Variants in GNG4 observed in about 807,000 individuals in gnomAD.
GNG4 encodes G protein subunit gamma 4, also known as guanine nucleotide-binding protein G(I)/G(S)/G(O) subunit gamma-4.
Under a neutral mutation model 5.8 loss-of-function variants are expected in GNG4, and 4 were observed. The ratio of observed to expected loss-of-function variants is 0.69; its 90% CI spans 0.34 to 1.57. GNG4 has a LOEUF of 1.57. GNG4 is among the 40% of genes most tolerant of loss of function. GNG4 has a pLI of 0.06. For missense variants in GNG4, 96 were observed against 95.1 expected, an observed-to-expected ratio of 1.01 and a Z score of -0.04; for synonymous variants, 29 against 32.9, an observed-to-expected ratio of 0.88 and a Z score of 0.41.
intron 1 of GNG4, among the ~76,000 whole-genome samples, chr1:235,606,997 C>T (rs1268646388): frequency 5.0e-5 from 7 of 138,968 alleles, no homozygotes; most frequent in Non-Finnish European, 9.1e-5. Flanking sequence ...GGAGTGCAGT[C>T]GTGTGATCTC....
At chr1:235,615,096 C>G (rs917977128) in intron 1 of GNG4, 1 of 152,136 alleles carries the variant, frequency 6.6e-6, no homozygotes. Flanking sequence ...ATGCATAGAT[C>G]GAAGAGGGGA....
intron 2 of GNG4, among the ~76,000 whole-genome samples, chr1:235,587,197 CAG>C (rs1282778346): frequency 1.7e-5 from 2 of 118,522 alleles, no homozygotes; most frequent in Non-Finnish European, 3.4e-5. Flanking sequence ...GTGTGTGTGA[CAG>C]AAAGTATGTG....
At chr1:235,604,385 A>G (rs1688317505) in intron 1 of GNG4, among the ~76,000 whole-genome samples, 1 of 152,234 alleles carries the variant, frequency 6.6e-6, no homozygotes, top group African/African-American at 2.4e-5. Flanking sequence ...GGAACAAATT[A>G]CTACAAACCG....
chr1:235,579,862 A>AAAAAAAAAAAAAAAAAAAAAT lies in GNG4; in HGVS notation c.99+3877_99+3878insATTTTTTTTTTTTTTTTTTTT, dbSNP rs57019025. On this transcript the variant is annotated intron_variant, in intron 3 of 3. Transcript: ENST00000391854. ...TGAGACTCCATCTCTCAAAAAAAAA[A>AAAAAAAAAAAAAAAAAAAAAT]AGGTAAAAAGGTTGAACATAGAGTT... is the stretch of plus-strand genomic sequence containing the variant. Among the ~76,000 whole-genome samples, 7 of 108,550 alleles carry AAAAAAAAAAAAAAAAAAAAAT rather than the reference A, an allele frequency of 6.4e-5. 1 individual carries two copies. The highest frequency in any genetic ancestry group is 7.7e-5 in the African/African-American group (2 of 26,016). 71.2% of individuals were successfully genotyped at this position (108,550 alleles called of 152,430 possible). A position where few individuals can be genotyped will look rare whatever the true frequency, so the allele number is the denominator to read the frequency against.
chr1:235,565,409 C>A (rs542832352), intron 3 of GNG4, among the ~76,000 whole-genome samples: 1 of 152,156 alleles, frequency 6.6e-6, no homozygotes. Context: ...GAGGCTGATG[C>A]AGGAGAATCA....
intron 1 of GNG4, among the ~76,000 whole-genome samples, chr1:235,598,025 A>G (rs763282682): frequency 1.1e-4 from 17 of 152,108 alleles, no homozygotes; most frequent in Non-Finnish European, 2.4e-4. Context: ...CTGGCTACCC[A>G]AGACCCCACC....
intron 3 of GNG4, among the ~76,000 whole-genome samples, chr1:235,573,691 C>G (rs1277114330): frequency 1.3e-5 from 2 of 152,046 alleles, no homozygotes; most frequent in African/African-American, 2.4e-5. Flanking sequence ...GCAGGAGAAT[C>G]ACTTGAACCC....
intron 1 of GNG4, among the ~76,000 whole-genome samples, chr1:235,599,444 G>A (rs773393758): frequency 5.9e-5 from 9 of 151,768 alleles, no homozygotes; most frequent in Non-Finnish European, 7.4e-5. Context: ...AGCCTCCCGA[G>A]TAGCTGGGAT....
At chr1:235,613,584 G>C (rs1056609518) in intron 1 of GNG4, among the ~76,000 whole-genome samples, 1 of 152,138 alleles carries the variant, frequency 6.6e-6, no homozygotes, top group African/African-American at 2.4e-5. Context: ...AAGGTGGAAG[G>C]GGGCCACAAG....
rs889007487 is a variant in GNG4 at position 235,553,668 on chromosome 1, A to G, written c.100-1431T>C. Among the ~76,000 whole-genome samples, 13 of 152,204 alleles carry G rather than the reference A, an allele frequency of 8.5e-5. 1 individual carries two copies. Among genetic ancestry groups the G allele is most frequent in the Admixed American group, 3.9e-4 (6 of 15,284 alleles). Reference sequence around the variant, plus strand: ...ATGAATCAACTAAACACATCACTCAAATAAATCAACTTGAAGTTTAGCAGA... The same window carrying G: ...ATGAATCAACTAAACACATCACTCAGATAAATCAACTTGAAGTTTAGCAGA... On this transcript the variant is annotated intron_variant, in intron 3 of 3. Coordinates refer to ENST00000391854, the MANE Select transcript of GNG4 (RefSeq NM_001098722.2).
At chr1:235,580,101 G>A (rs1324001507) in intron 3 of GNG4, among the ~76,000 whole-genome samples, 1 of 152,188 alleles carries the variant, frequency 6.6e-6, no homozygotes, top group Non-Finnish European at 1.5e-5. Flanking sequence ...ATGATGTTCT[G>A]ATACAGGCTA....
At chr1:235,646,813 C>T (rs775448523) in intron 1 of GNG4, among the ~76,000 whole-genome samples, 4 of 152,220 alleles carry the variant, frequency 2.6e-5, no homozygotes, top group Admixed American at 2.0e-4. Flanking sequence ...GAATTTGGAA[C>T]GCTCCAGCAA....
rs865963761 is a variant in GNG4 at position 235,644,454 on chromosome 1, C to T, written c.-123+5208G>A. On this transcript the variant is annotated intron_variant, in intron 1 of 3. Transcript: ENST00000391854. The surrounding 1 kb of genome is among the most constrained non-coding windows in gnomAD (Gnocchi z 5.9). ...TGGGCATGAGCAAGCCTGACGCTGT[C>T]TCTCATCCTGGTAACACCTTCTTCC... 6.6e-6 allele frequency among the ~76,000 whole-genome samples: 1 copy of T among 152,248 alleles called. No homozygotes were observed. Among genetic ancestry groups the T allele is most frequent in the Non-Finnish European group, 1.5e-5 (1 of 68,050 alleles).
intron 1 of GNG4, among the ~76,000 whole-genome samples, chr1:235,643,509 C>T (rs985590289): frequency 1.3e-5 from 2 of 152,202 alleles, no homozygotes; most frequent in Admixed American, 1.3e-4. Context: ...TTATTTGTTT[C>T]CCTGTCACCA....
chr1:235,634,615 C>T (rs1688995925), intron 1 of GNG4, among the ~76,000 whole-genome samples: 1 of 152,190 alleles, frequency 6.6e-6, no homozygotes, highest in Non-Finnish European at 1.5e-5. Flanking sequence ...CAGCCTGGCT[C>T]CTTGTTCCTA....
At chr1:235,599,295 G>T (rs1029942123) in intron 1 of GNG4, among the ~76,000 whole-genome samples, 17 of 148,364 alleles carry the variant, frequency 1.1e-4, no homozygotes, top group African/African-American at 1.5e-4. Flanking sequence ...GGGTTTTTTT[G>T]TTGTCGTTGT....
At chr1:235,562,135 T>C (rs1687079364) in intron 3 of GNG4, among the ~76,000 whole-genome samples, 1 of 152,170 alleles carries the variant, frequency 6.6e-6, no homozygotes, top group Non-Finnish European at 1.5e-5. Flanking sequence ...GGGTCTATTT[T>C]GGGGCTCTCT....
Position 235,548,220 on chromosome 1 carries a change from T to G in GNG4, c.*3889A>C, listed in dbSNP as rs1686632133. 6.6e-6 allele frequency: 1 copy of G among 152,122 alleles called. No homozygotes were observed. Among genetic ancestry groups the G allele is most frequent in the Admixed American group, 6.5e-5 (1 of 15,272 alleles). The allele number at this position is 152,122 out of a possible 1,614,324, so 9.4% of individuals were successfully genotyped here. A position where few individuals can be genotyped will look rare whatever the true frequency, so the allele number is the denominator to read the frequency against. The stretch of plus-strand genomic sequence containing the variant: ...GGTGGAATTGTTAGGTCATATATAT[T>G]TACATCCAACTCAAGCTCTTTCATG... On this transcript the variant is annotated 3_prime_UTR_variant, in exon 4 of 4. Coordinates refer to ENST00000391854, the MANE Select transcript of GNG4 (RefSeq NM_001098722.2).
At chr1:235,598,688 G>T (rs144182284) in intron 1 of GNG4, among the ~76,000 whole-genome samples, 1 of 151,596 alleles carries the variant, frequency 6.6e-6, no homozygotes, top group Non-Finnish European at 1.5e-5. Context: ...CACAATCTCT[G>T]GGGGAGGACT....
Sources: gnomAD v4.1 joint callset for allele counts (sites outside exome capture counted in the v4.1 genomes callset) on GRCh38, gnomAD v4.1.1 for gene constraint, Gnocchi (gnomAD v3.1) non-coding constraint, MANE v1.5 for transcripts, NCBI Gene and HGNC (gene_info 2026-07-23, HGNC 2026-07-21) for gene names.